IPO13: variants seen among roughly 807,000 people sequenced by gnomAD.
IPO13 encodes the protein importin 13, also known as importin-13.
In IPO13, 28 loss-of-function variants were observed where a neutral mutation model predicts 115.5. The observed-to-expected ratio is 0.24, with a 90% CI of 0.18 to 0.33. The LOEUF (loss-of-function observed/expected upper bound fraction) is 0.33. Among genes scored for constraint, IPO13 ranks in the 10% least tolerant of loss-of-function variants. IPO13 has a pLI of 1.00. For missense variants in IPO13, 785 were observed against 1,204.6 expected, an observed-to-expected ratio of 0.65 and a Z score of 5.16; for synonymous variants, 414 against 478.9, an observed-to-expected ratio of 0.86 and a Z score of 1.77.
chr1:43,958,019 A>C lies in IPO13; in HGVS notation c.1583A>C (p.Asn528Thr). 1.9e-6 allele frequency: 3 copies of C among 1,614,132 alleles called. No individual in the cohort carries two copies. Among genetic ancestry groups the C allele is most frequent in the Non-Finnish European group, 2.5e-6 (3 of 1,180,006 alleles). ...EWLADHPVMI[N>T]SVLPLVLHAL... Reference sequence around the variant, plus strand: ...CTGGCTGACCACCCCGTCATGATCAACAGTGTTCTGCCCTTGGTACTGCAT... The same window carrying C: ...CTGGCTGACCACCCCGTCATGATCACCAGTGTTCTGCCCTTGGTACTGCAT... Residue 528 changes from asparagine (N) to threonine (T), a missense_variant, in exon 8 of 20, where the codon AAC becomes ACC. Transcript: ENST00000372343. The surrounding 1 kb of genome is among the most constrained non-coding windows in gnomAD (Gnocchi z 6.3).
Position 43,968,020 on chromosome 1 carries a change from G to A in IPO13, c.*338G>A. Reference sequence around the variant, plus strand: ...ATCCCCATTAAATTAATCCCAACATGCATGTATGCATACATTTATTTAATC... The same window carrying A: ...ATCCCCATTAAATTAATCCCAACATACATGTATGCATACATTTATTTAATC... On this transcript the variant is annotated 3_prime_UTR_variant, in exon 20 of 20. Transcript: ENST00000372343. The A allele has an allele frequency of 5.1e-6, 2 of 395,450 alleles. No individual in the cohort carries two copies. Among genetic ancestry groups the A allele is most frequent in the Non-Finnish European group, 9.4e-6 (2 of 213,458 alleles). The allele number at this position is 395,450 out of a possible 1,614,324, so 24.5% of individuals were successfully genotyped here.
chr1:43,958,941 C>G lies in IPO13; in HGVS notation c.2028+52C>G. ...ACATTTGTCTTTGCCATCCCCCCAA[C>G]CCCCACCTGTGGGAATGTCATTGTC... On this transcript the variant is annotated intron_variant, in intron 11 of 19. Coordinates refer to ENST00000372343, the MANE Select transcript of IPO13 (RefSeq NM_014652.4). This position sits in a 1 kb window ranked among gnomAD's most constrained non-coding sequence, Gnocchi z 6.3. 2 of 1,546,242 alleles carry G rather than the reference C, an allele frequency of 1.3e-6. No homozygotes were observed. The highest frequency in any genetic ancestry group is 1.8e-6 in the Non-Finnish European group (2 of 1,122,582).
chr1:43,950,513 G>A (rs780210656), intron 2 of IPO13, among the ~76,000 whole-genome samples: 6 of 152,134 alleles, frequency 3.9e-5, no homozygotes, highest in Non-Finnish European at 8.8e-5. Flanking sequence ...TTACTGTAGA[G>A]CTTGTCCTCA....
chr1:43,955,320 C>T (rs1249518968), intron 2 of IPO13, among the ~76,000 whole-genome samples: 3 of 151,928 alleles, frequency 2.0e-5, no homozygotes, highest in African/African-American at 4.8e-5. Flanking sequence ...CTGTATCCCA[C>T]TCTTGTTCAA....
In IPO13 at chr1:43,967,278, G is replaced by A. The variant is rs1191058931; in HGVS notation, c.2614-37G>A. 2 of 1,598,876 alleles carry A rather than the reference G, an allele frequency of 1.3e-6. No individual in the cohort carries two copies. The highest frequency in any genetic ancestry group is 2.2e-5 in the East Asian group (1 of 44,580). ...TCTTGCTGCAGAAGCGGCGGAAGGGGCAACACCCTGGTGTGCTGAGAACCC... is the reference window on the plus strand; with the variant it reads ...TCTTGCTGCAGAAGCGGCGGAAGGGACAACACCCTGGTGTGCTGAGAACCC... On this transcript the variant is annotated intron_variant, in intron 18 of 19. Coordinates refer to ENST00000372343, the MANE Select transcript of IPO13 (RefSeq NM_014652.4). This position sits in a 1 kb window ranked among gnomAD's most constrained non-coding sequence, Gnocchi z 6.1.
chr1:43,957,309 C>T lies in IPO13; in HGVS notation c.1386C>T (p.Ser462=). 1.2e-6 allele frequency: 2 copies of T among 1,613,948 alleles called. No homozygotes were observed. Among genetic ancestry groups the T allele is most frequent in the African/African-American group, 1.3e-5 (1 of 75,038 alleles). ...TCACCAGCTCAGAGGAGCCCTACTC[C>T]TGGCAGGTACCTCCCAAGCCTGATT... The part of the protein sequence containing the change: ...RLLTSSEEPY[S]WQHTEALLYG... Residue 462 remains serine (S), a synonymous_variant, in exon 6 of 20, where the codon TCC becomes TCT. Coordinates refer to ENST00000372343, the MANE Select transcript of IPO13 (RefSeq NM_014652.4).
At chr1:43,961,843 G>A (rs544143191) in intron 14 of IPO13, among the ~76,000 whole-genome samples, 1 of 152,302 alleles carries the variant, frequency 6.6e-6, no homozygotes, top group South Asian at 2.1e-4. Context: ...CCTGCATCAA[G>A]GCTTAGTACT....
At position 43,957,949 on chromosome 1, in the gene IPO13, G is replaced by C. The variant is rs778620501; in HGVS notation, c.1541-28G>C. On this transcript the variant is annotated intron_variant, in intron 7 of 19. Transcript: ENST00000372343. ...CAAAGCCAGCCTGGCCTGCCTCAAA[G>C]ATCCTCCTGTCTCCCTCCTTCCTCC... 10 of 1,611,254 alleles carry C rather than the reference G, an allele frequency of 6.2e-6. No homozygotes were observed. The East Asian group carries it at 1.8e-4, about 29-fold the overall frequency.
chr1:43,956,310 A>C lies in IPO13; in HGVS notation c.822-10A>C, dbSNP rs754019269. The C allele has an allele frequency of 1.9e-6, 3 of 1,613,920 alleles. No individual in the cohort carries two copies. The highest frequency in any genetic ancestry group is 1.7e-5 in the Admixed American group (1 of 59,990). ...GAGCTCTGATGGATTTTCTCACCTC[A>C]TGCCTCTAGGTACGTGAACACACTC... On this transcript the variant is annotated splice_polypyrimidine_tract_variant and intron_variant, in intron 2 of 19. Transcript: ENST00000372343. This position sits in a 1 kb window ranked among gnomAD's most constrained non-coding sequence, Gnocchi z 4.7.
rs769237573 is a variant in IPO13 at position 43,967,511 on chromosome 1, G to T, written c.2795+15G>T. Reference sequence around the variant, plus strand: ...CAGATCCTTCGGTGAGCAGAGCTGGGGTGGGCCTGGGGTCAGGCAGAGAGG... The same window carrying T: ...CAGATCCTTCGGTGAGCAGAGCTGGTGTGGGCCTGGGGTCAGGCAGAGAGG... On this transcript the variant is annotated intron_variant, in intron 19 of 19. Coordinates refer to ENST00000372343, the MANE Select transcript of IPO13 (RefSeq NM_014652.4). The surrounding 1 kb of genome is among the most constrained non-coding windows in gnomAD (Gnocchi z 6.1). 8.7e-6 allele frequency: 14 copies of T among 1,614,008 alleles called. No homozygotes were observed. In the African/African-American group the frequency reaches 1.7e-4, roughly 20 times the overall value.
In IPO13 at chr1:43,967,304, C is replaced by T. The variant is rs757341907; in HGVS notation, c.2614-11C>T. The T allele has an allele frequency of 6.2e-7, 1 of 1,610,120 alleles. No homozygotes were observed. The highest frequency in any genetic ancestry group is 8.5e-7 in the Non-Finnish European group (1 of 1,176,928). On this transcript the variant is annotated splice_polypyrimidine_tract_variant and intron_variant, in intron 18 of 19. Coordinates refer to ENST00000372343, the MANE Select transcript of IPO13 (RefSeq NM_014652.4). This position sits in a 1 kb window ranked among gnomAD's most constrained non-coding sequence, Gnocchi z 6.1. Reference sequence around the variant, plus strand: ...CAACACCCTGGTGTGCTGAGAACCCCTCTCCCTCAGGCCATTGGGGGCCAG... The same window carrying T: ...CAACACCCTGGTGTGCTGAGAACCCTTCTCCCTCAGGCCATTGGGGGCCAG...
In IPO13 at chr1:43,966,902, G is replaced by A. The variant is rs2085329651; in HGVS notation, c.2524-28G>A. ...CTCAGGGAGAGCTGGGAAGGAGCTG[G>A]GCTGATGGGCCTCTCCATCCTCTGC... is the stretch of plus-strand genomic sequence containing the variant. On this transcript the variant is annotated intron_variant, in intron 17 of 19. Coordinates refer to ENST00000372343, the MANE Select transcript of IPO13 (RefSeq NM_014652.4). This position sits in a 1 kb window ranked among gnomAD's most constrained non-coding sequence, Gnocchi z 4.1. 1 of 1,611,202 alleles carries A rather than the reference G, an allele frequency of 6.2e-7. No homozygotes were observed. Among genetic ancestry groups the A allele is most frequent in the South Asian group, 1.1e-5 (1 of 91,020 alleles).
chr1:43,960,162 G>C (rs2085279613), intron 11 of IPO13, 87 bp from the exon 12 acceptor site: 2 of 1,251,610 alleles, frequency 1.6e-6, no homozygotes, highest in Non-Finnish European at 2.4e-6. Flanking sequence ...GGTCTGAACT[G>C]CTCCCCTCCT....
At chr1:43,953,880 C>T (rs1380158937) in intron 2 of IPO13, among the ~76,000 whole-genome samples, 1 of 152,048 alleles carries the variant, frequency 6.6e-6, no homozygotes, top group Non-Finnish European at 1.5e-5. Context: ...CTGGTTGGGC[C>T]CTGAAAGAAA....
At chr1:43,951,879 A>G (rs1286974134) in intron 2 of IPO13, among the ~76,000 whole-genome samples, 2 of 152,208 alleles carry the variant, frequency 1.3e-5, no homozygotes, top group East Asian at 3.8e-4. Flanking sequence ...ATCTTGGATC[A>G]GCCATTCCTA....
In IPO13 at chr1:43,956,187, A is replaced by G. The variant is rs1453940307; in HGVS notation, c.822-133A>G. On this transcript the variant is annotated intron_variant, in intron 2 of 19. Coordinates refer to ENST00000372343, the MANE Select transcript of IPO13 (RefSeq NM_014652.4). The surrounding 1 kb of genome is among the most constrained non-coding windows in gnomAD (Gnocchi z 4.7). ...CATCAAATCTGCCATGTAGACCCTG[A>G]CCCTTTTTTTGCTTAGGATTTGATA... is the stretch of plus-strand genomic sequence containing the variant. 1 of 985,380 alleles carries G rather than the reference A, an allele frequency of 1.0e-6. No homozygotes were observed. Among genetic ancestry groups the G allele is most frequent in the African/African-American group, 1.6e-5 (1 of 61,280 alleles). 61.0% of individuals were successfully genotyped at this position (985,380 alleles called of 1,614,324 possible).
At position 43,958,886 on chromosome 1, in the gene IPO13, C is replaced by T; in HGVS notation, c.2025C>T (p.Asn675=). Reference sequence around the variant, plus strand: ...AGCTGCCAGTGCCACAGGGACCCAACCCCGTGGGTGACATTTGCCCACGGC... The same window carrying T: ...AGCTGCCAGTGCCACAGGGACCCAATCCCGTGGGTGACATTTGCCCACGGC... The part of the protein sequence containing the change: ...LRKLPVPQGP[N]PVVVVLQQVF... Residue 675 remains asparagine, a synonymous_variant, in exon 11 of 20, where the codon AAC becomes AAT. Transcript: ENST00000372343. The surrounding 1 kb of genome is among the most constrained non-coding windows in gnomAD (Gnocchi z 6.3). The T allele has an allele frequency of 6.2e-7, 1 of 1,613,816 alleles. No homozygotes were observed. Among genetic ancestry groups the T allele is most frequent in the Non-Finnish European group, 8.5e-7 (1 of 1,179,774 alleles).
chr1:43,962,657 C>G (rs1175359465), intron 14 of IPO13, among the ~76,000 whole-genome samples: 1 of 152,192 alleles, frequency 6.6e-6, no homozygotes, highest in Admixed American at 6.5e-5. Context: ...GTCCTATGCC[C>G]TTTACTGGGT....
At chr1:43,948,911 A>C (rs2085186620) in intron 1 of IPO13, among the ~76,000 whole-genome samples, 1 of 152,228 alleles carries the variant, frequency 6.6e-6, no homozygotes, top group Non-Finnish European at 1.5e-5. Context: ...CAAAAGTCTT[A>C]GTCCTGCTCT....
Sources: gnomAD v4.1 joint callset for allele counts (sites outside exome capture counted in the v4.1 genomes callset) on GRCh38, gnomAD v4.1.1 for gene constraint, Gnocchi (gnomAD v3.1) non-coding constraint, MANE v1.5 for transcripts, NCBI Gene and HGNC (gene_info 2026-07-23, HGNC 2026-07-21) for gene names.